Variants in IQSEC2 observed in about 807,000 individuals in gnomAD.
IQSEC2 encodes the protein IQ motif and Sec7 domain ArfGEF 2, also known as IQ motif and SEC7 domain-containing protein 2.
Under a neutral mutation model 74.6 loss-of-function variants are expected in IQSEC2, and 6 were observed. That is an observed-to-expected ratio of 0.08 (90% CI 0.04 to 0.16). IQSEC2 has a LOEUF of 0.16. Among genes scored for constraint, IQSEC2 ranks in the 10% least tolerant of loss-of-function variants. The pLI, the probability that IQSEC2 is intolerant of heterozygous loss-of-function variation, is 1.00. For missense variants in IQSEC2, 734 were observed against 1,306.2 expected (o/e 0.56, Z 6.75); for synonymous variants, 494 against 544.5 (o/e 0.91, Z 1.29).
At chrX:53,253,315 C>T (rs1308364920) in intron 4 of IQSEC2, among the ~76,000 whole-genome samples, 1 of 111,980 alleles carries the variant, frequency 8.9e-6, no homozygotes, top group Non-Finnish European at 1.9e-5. Flanking sequence ...AGGGTTTTCT[C>T]TCCATTTTAT....
At chrX:53,292,603 C>CA (rs2075111245) in intron 1 of IQSEC2, among the ~76,000 whole-genome samples, 2 of 111,735 alleles carry the variant, frequency 1.8e-5, no homozygotes, top group African/African-American at 6.5e-5. Context: ...CACTGGTCTG[C>CA]CGTTTTCATT....
intron 1 of IQSEC2, among the ~76,000 whole-genome samples, chrX:53,296,561 CT>C (rs1556874343): frequency 9.1e-6 from 1 of 110,205 alleles, no homozygotes; most frequent in East Asian, 2.9e-4. Context: ...GCTAAAGGAA[CT>C]TTTTTTTTGT....
intron 4 of IQSEC2, 97 bp from the exon 5 acceptor site, chrX:53,251,271 GA>G: frequency 3.5e-6 from 3 of 863,905 alleles, no homozygotes; most frequent in Non-Finnish European, 4.9e-6. Context: ...GGGAGGTAAG[GA>G]AAAAGGGGGA....
intron 2 of IQSEC2, among the ~76,000 whole-genome samples, chrX:53,261,517 C>CACAT (rs1199088241): frequency 9.1e-6 from 1 of 109,618 alleles, no homozygotes; most frequent in Non-Finnish European, 1.9e-5. Context: ...CACACACACA[C>CACAT]ATACACTCAC....
At chrX:53,276,230 T>G (rs1556869539) in intron 2 of IQSEC2, among the ~76,000 whole-genome samples, 1 of 112,279 alleles carries the variant, frequency 8.9e-6, no homozygotes, top group African/African-American at 3.2e-5. Context: ...CTTACAGCCG[T>G]TGATTAAATT....
chrX:53,305,117 C>T (rs2075247973), intron 1 of IQSEC2, among the ~76,000 whole-genome samples: 1 of 110,141 alleles, frequency 9.1e-6, no homozygotes, highest in Admixed American at 9.7e-5. Context: ...TGGAGTATCA[C>T]CATATTGGCC....
intron 1 of IQSEC2, among the ~76,000 whole-genome samples, chrX:53,305,323 C>G (rs1057482976): frequency 3.6e-5 from 4 of 111,270 alleles, no homozygotes; most frequent in Non-Finnish European, 7.5e-5. Flanking sequence ...AAGTAATCTT[C>G]TGCTCTCAGT....
chrX:53,305,759 C>T (rs1172330423), intron 1 of IQSEC2, among the ~76,000 whole-genome samples: 1 of 111,479 alleles, frequency 9.0e-6, no homozygotes. Flanking sequence ...CTTCTGTCAT[C>T]CCAGAGCCAA....
At chrX:53,248,501 A>G (rs1364153863) in intron 6 of IQSEC2, among the ~76,000 whole-genome samples, 5 of 111,973 alleles carry the variant, frequency 4.5e-5, no homozygotes, top group African/African-American at 1.6e-4. Flanking sequence ...AACAGGCTAC[A>G]GGATGAGCAT....
intron 1 of IQSEC2, among the ~76,000 whole-genome samples, chrX:53,296,807 C>A (rs1015525626): frequency 3.6e-5 from 4 of 111,044 alleles, no homozygotes; most frequent in Non-Finnish European, 7.5e-5. Context: ...AGTGATCTGC[C>A]CACTTCAGCC....
chrX:53,272,413 C>G (rs188956116), intron 2 of IQSEC2, among the ~76,000 whole-genome samples: 31 of 112,114 alleles, frequency 2.8e-4, no homozygotes, highest in African/African-American at 9.7e-4. Flanking sequence ...TGAATGAGCT[C>G]AGCTCATTCA....
At chrX:53,279,887 A>T in intron 2 of IQSEC2, 1 of 85,787 alleles carries the variant, frequency 1.2e-5, no homozygotes, top group Non-Finnish European at 2.1e-5. Context: ...AGGGAGGAAG[A>T]TGGAGAGAGA....
intron 2 of IQSEC2, 59 bp downstream of exon 2, chrX:53,291,836 G>A: frequency 1.9e-6 from 2 of 1,052,078 alleles, no homozygotes; most frequent in Non-Finnish European, 2.6e-6. Context: ...CAAACCAGAG[G>A]CCCCCACCCC....
At chrX:53,316,299 C>A (rs957991702) in intron 1 of IQSEC2, among the ~76,000 whole-genome samples, 4 of 111,551 alleles carry the variant, frequency 3.6e-5, no homozygotes, top group Non-Finnish European at 7.5e-5. Flanking sequence ...TCCTCCCACA[C>A]GAAGATAATG....
At chrX:53,241,280 A>AT (rs1270249763) in intron 10 of IQSEC2, among the ~76,000 whole-genome samples, 1 of 109,263 alleles carries the variant, frequency 9.2e-6, no homozygotes, top group Non-Finnish European at 1.9e-5. Flanking sequence ...TAATTTTTGT[A>AT]TTTTTTGTGG....
intron 4 of IQSEC2, among the ~76,000 whole-genome samples, chrX:53,252,841 T>A (rs1281607100): frequency 1.8e-5 from 2 of 112,134 alleles, no homozygotes; most frequent in Non-Finnish European, 3.8e-5. Flanking sequence ...ACAGATATAC[T>A]TCCCCATCAG....
intron 1 of IQSEC2, among the ~76,000 whole-genome samples, chrX:53,308,491 A>C (rs1417156031): frequency 1.8e-5 from 2 of 111,620 alleles, no homozygotes; most frequent in African/African-American, 3.3e-5. Flanking sequence ...ATAATCACAT[A>C]AACAGTGTAC....
intron 2 of IQSEC2, among the ~76,000 whole-genome samples, chrX:53,262,656 G>A (rs1490359090): frequency 8.9e-6 from 1 of 111,880 alleles, no homozygotes; most frequent in Non-Finnish European, 1.9e-5. Context: ...TATTTCTTCT[G>A]CAAGCTAGTT....
At chrX:53,260,668 A>T (rs1462766826) in intron 2 of IQSEC2, among the ~76,000 whole-genome samples, 2 of 110,852 alleles carry the variant, frequency 1.8e-5, no homozygotes, top group Non-Finnish European at 1.9e-5. Context: ...TGCCTCCTCC[A>T]CACAGGCTGT....
Sources: allele counts gnomAD v4.1 joint callset (sites outside exome capture counted in the v4.1 genomes callset), GRCh38; gene constraint gnomAD v4.1.1; transcripts MANE v1.5; gene names NCBI Gene and HGNC (gene_info 2026-07-23, HGNC 2026-07-21).